STAB1: variants seen among roughly 807,000 people sequenced by gnomAD.
The protein encoded by STAB1 is stabilin-1.
STAB1 carries 250 observed loss-of-function variants against 332.4 expected under a neutral mutation model. The observed-to-expected ratio is 0.75, with a 90% CI of 0.68 to 0.84. The LOEUF is 0.84. Ranked by LOEUF, STAB1 falls within the 40% of genes least tolerant of loss-of-function variation. The pLI is 0.00. For synonymous variants in STAB1, 1,475 were observed against 1,390.4 expected (o/e 1.06, Z -1.35); for missense variants, 3,249 against 3,489.7 (o/e 0.93, Z 1.74).
Position 52,522,235 on chromosome 3 carries a change from G to T in STAB1, c.6465+5G>T. 1 of 1,612,254 alleles carries T rather than the reference G, an allele frequency of 6.2e-7. No individual in the cohort carries two copies. The highest frequency in any genetic ancestry group is 1.1e-5 in the South Asian group (1 of 91,046). On this transcript the variant is annotated splice_donor_5th_base_variant and intron_variant, in intron 59 of 68. Transcript: ENST00000321725. ...AACTGCTTGAGCACCGGCCTGGTGA[G>T]CAGGTGGGGGAACCGAGTAGCCAGG...
At chr3:52,508,684 T>G (rs1456693047) in intron 21 of STAB1, 1 of 355,202 alleles carries the variant, frequency 2.8e-6, no homozygotes, top group Non-Finnish European at 5.5e-6. Flanking sequence ...TAGCCTGGTG[T>G]TATGGCACAC....
intron 50 of STAB1, 72 bp from the exon 51 acceptor site, chr3:52,519,872 C>T (rs2079014547): frequency 6.7e-7 from 1 of 1,490,526 alleles, no homozygotes. Context: ...TGCTCTGTGG[C>T]ACAGCCCCCT....
intron 5 of STAB1, among the ~76,000 whole-genome samples, 170 bp downstream of exon 5, chr3:52,502,398 T>G (rs942958336): frequency 6.6e-6 from 1 of 152,214 alleles, no homozygotes; most frequent in Admixed American, 6.5e-5. Flanking sequence ...TCCAGCCCTT[T>G]GCACATGCTA....
chr3:52,524,438 C>G lies in STAB1; in HGVS notation c.*82C>G, dbSNP rs933602317. 6.2e-7 allele frequency: 1 copy of G among 1,611,906 alleles called. No homozygotes were observed. Among genetic ancestry groups the G allele is most frequent in the Admixed American group, 1.7e-5 (1 of 60,010 alleles). ...GTCTGGGTGGATGGGGCAGGAGGGG[C>G]TGAGGGCCTGTCCCAGACAATAAAG... On this transcript the variant is annotated 3_prime_UTR_variant, in exon 69 of 69. Coordinates refer to ENST00000321725, the MANE Select transcript of STAB1 (RefSeq NM_015136.3).
rs1238652561 is a variant in STAB1, at chr3:52,505,046, A to G, written c.1421A>G (p.Asn474Ser). The G allele has an allele frequency of 1.9e-6, 3 of 1,613,752 alleles. No homozygotes were observed. Among genetic ancestry groups the G allele is most frequent in the Non-Finnish European group, 2.5e-6 (3 of 1,180,020 alleles). ...AAAGACCAGCCCCAGCAGACGTTCA[A>G]CATCTACAAGGCCAACAACATAGCA... Reference protein sequence around the residue: ...KYKDQPQQTFNIYKANNIAAN... With the variant: ...KYKDQPQQTFSIYKANNIAAN... Residue 474 changes from asparagine to serine, a missense_variant, in exon 13 of 69, where the codon AAC becomes AGC. Transcript: ENST00000321725.
At chr3:52,506,402 A>G in intron 17 of STAB1, 152 bp downstream of exon 17, 1 of 793,920 alleles carries the variant, frequency 1.3e-6, no homozygotes, top group Admixed American at 2.2e-5. Context: ...CAGAGATCAA[A>G]TTCCTCTGCT....
chr3:52,516,840 T>G, intron 41 of STAB1, 72 bp downstream of exon 41: 1 of 1,596,456 alleles, frequency 6.3e-7, no homozygotes, highest in South Asian at 1.1e-5. Flanking sequence ...CCCCCTTCAC[T>G]TCCTCTAGGC....
Position 52,524,014 on chromosome 3 carries a change from C to T in STAB1, c.7539C>T (p.Phe2513=), listed in dbSNP as rs149346501. 2.5e-4 allele frequency: 407 copies of T among 1,612,088 alleles called. 1 individual carries two copies. The highest frequency in any genetic ancestry group is 2.8e-4 in the Non-Finnish European group (328 of 1,179,676). The change falls in exon 67 of 69, where the codon TTC becomes TTT. Residue 2513 remains phenylalanine, a synonymous_variant. Coordinates refer to ENST00000321725, the MANE Select transcript of STAB1 (RefSeq NM_015136.3). ...GKPMGFGFSA[F]QAEDDADDDF... is the part of the protein sequence containing the mutation. ...CCATGGGCTTTGGCTTCTCTGCCTTCCAGGTAGGGCTGGGTTGGGGCTGCC... is the reference window on the plus strand; with the variant it reads ...CCATGGGCTTTGGCTTCTCTGCCTTTCAGGTAGGGCTGGGTTGGGGCTGCC...
At chr3:52,519,178 A>G in intron 48 of STAB1, 86 bp from the exon 49 acceptor site, 1 of 1,517,670 alleles carries the variant, frequency 6.6e-7, no homozygotes, top group Non-Finnish European at 8.8e-7. Context: ...TGACTTGCCC[A>G]ACCCAGGTTC....
In STAB1 at chr3:52,523,082, G is replaced by A. The variant is rs2079131710; in HGVS notation, c.6968G>A (p.Gly2323Glu). ...FVGDGISTCN[G>E]KLLDVLAATA... ...GGTGACGGGATCAGCACGTGCAATGGGAAGCTGCTGGATGTGCTGGCTGCC... is the reference window on the plus strand; with the variant it reads ...GGTGACGGGATCAGCACGTGCAATGAGAAGCTGCTGGATGTGCTGGCTGCC... The change falls in exon 63 of 69, where the codon GGG becomes GAG. Residue 2323 changes from glycine (G) to glutamate (E), a missense_variant. Gly to Glu is a moderately conservative substitution (Grantham distance 98). Coordinates refer to ENST00000321725, the MANE Select transcript of STAB1 (RefSeq NM_015136.3). 1.3e-6 allele frequency: 2 copies of A among 1,571,390 alleles called. No individual in the cohort carries two copies. The highest frequency in any genetic ancestry group is 1.2e-5 in the South Asian group (1 of 82,886).
intron 1 of STAB1, among the ~76,000 whole-genome samples, chr3:52,495,987 C>T (rs1707991945): frequency 6.6e-6 from 1 of 152,230 alleles, no homozygotes; most frequent in African/African-American, 2.4e-5. Flanking sequence ...GGCAAGGACA[C>T]ACTTCAGCCT....
At chr3:52,502,843 T>C in intron 6 of STAB1, 116 bp downstream of exon 6, 6 of 1,290,396 alleles carry the variant, frequency 4.6e-6, no homozygotes, top group Middle Eastern at 2.6e-4. Context: ...TGGAGCCTAG[T>C]TGGGGAAGGG....
At chr3:52,519,866 CTG>C in intron 50 of STAB1, 76 bp from the exon 51 acceptor site, 1 of 1,478,562 alleles carries the variant, frequency 6.8e-7, no homozygotes, top group Non-Finnish European at 9.0e-7. Context: ...CCTTCCTGCT[CTG>C]TGGCACAGCC....
intron 17 of STAB1, 122 bp from the exon 18 acceptor site, chr3:52,506,570 G>A: frequency 3.6e-6 from 4 of 1,119,508 alleles, no homozygotes; most frequent in Non-Finnish European, 3.7e-6. Context: ...TGGCCAGCGG[G>A]GCCTTCAGCA....
chr3:52,495,406 C>CTGG lies in STAB1; in HGVS notation c.-8_-7insTGG. 1 of 1,338,260 alleles carries CTGG rather than the reference C, an allele frequency of 7.5e-7. No homozygotes were observed. The highest frequency in any genetic ancestry group is 2.8e-5 in the East Asian group (1 of 35,882). 82.9% of individuals were successfully genotyped at this position (1,338,260 alleles called of 1,614,324 possible). A position where few individuals can be genotyped will look rare whatever the true frequency, so the allele number is the denominator to read the frequency against. On this transcript the variant is annotated 5_prime_UTR_variant, in exon 1 of 69. Coordinates refer to ENST00000321725, the MANE Select transcript of STAB1 (RefSeq NM_015136.3). ...CCGACTCTGTCCTGGACAGCGTGCC[C>CTGG]ACCAGCCATGGCGGGGCCCCGGGGC...
At chr3:52,506,400 A>C (rs945968603) in intron 17 of STAB1, 150 bp downstream of exon 17, 117 of 798,130 alleles carry the variant, frequency 1.5e-4, no homozygotes, top group Non-Finnish European at 8.7e-5. Flanking sequence ...GGCAGAGATC[A>C]AATTCCTCTG....
chr3:52,512,749 C>G lies in STAB1; in HGVS notation c.3028-79C>G. On this transcript the variant is annotated intron_variant, in intron 28 of 68. Coordinates refer to ENST00000321725, the MANE Select transcript of STAB1 (RefSeq NM_015136.3). ...CAAGCGTGGGAGGTTGGGGGCAGGGCTGGAGCCTAGAGCAGGGGATCTGAA... is the reference window on the plus strand; with the variant it reads ...CAAGCGTGGGAGGTTGGGGGCAGGGGTGGAGCCTAGAGCAGGGGATCTGAA... 4 of 1,609,524 alleles carry G rather than the reference C, an allele frequency of 2.5e-6. No homozygotes were observed. In the South Asian group the frequency reaches 3.3e-5, roughly 13 times the overall value.
At chr3:52,520,578 A>C in intron 53 of STAB1, 29 bp downstream of exon 53, 4 of 1,610,900 alleles carry the variant, frequency 2.5e-6, no homozygotes, top group Non-Finnish European at 3.4e-6. Flanking sequence ...AGACGGGCAG[A>C]AGCCCACCCC....
rs1283466499 is a variant in STAB1, at chr3:52,524,381, C to A, written c.*25C>A. On this transcript the variant is annotated 3_prime_UTR_variant, in exon 69 of 69. Coordinates refer to ENST00000321725, the MANE Select transcript of STAB1 (RefSeq NM_015136.3). ...ACGAGGCTGGGGCTGAAAGCAGAAGCATGCACAGGGAGGAGACCACTTTTA... is the reference window on the plus strand; with the variant it reads ...ACGAGGCTGGGGCTGAAAGCAGAAGAATGCACAGGGAGGAGACCACTTTTA... The A allele has an allele frequency of 6.2e-7, 1 of 1,613,436 alleles. No homozygotes were observed. The highest frequency in any genetic ancestry group is 8.5e-7 in the Non-Finnish European group (1 of 1,179,890).
Sources: gnomAD v4.1 joint callset for allele counts (sites outside exome capture counted in the v4.1 genomes callset) on GRCh38, gnomAD v4.1.1 for gene constraint, MANE v1.5 for transcripts, NCBI Gene and HGNC (gene_info 2026-07-23, HGNC 2026-07-21) for gene names.